DAGLB: variants seen among roughly 807,000 people sequenced by gnomAD.
DAGLB encodes the protein diacylglycerol lipase-beta.
Under a neutral mutation model 72.1 loss-of-function variants are expected in DAGLB, and 66 were observed. That is an observed-to-expected ratio of 0.92 (90% CI 0.75 to 1.12). DAGLB has a LOEUF of 1.12. Among genes scored for constraint, DAGLB ranks in the 50% most tolerant of loss-of-function variants. DAGLB has a pLI of 0.00. For synonymous variants in DAGLB, 414 were observed against 359.5 expected (o/e 1.15, Z -1.71); for missense variants, 1,065 against 884.9 (o/e 1.20, Z -2.58).
chr7:6,443,042 G>C (rs1784880461), intron 2 of DAGLB, among the ~76,000 whole-genome samples: 1 of 149,688 alleles, frequency 6.7e-6, no homozygotes, highest in South Asian at 2.1e-4. Flanking sequence ...AAATAGCCAG[G>C]CACGGTGGCG....
intron 13 of DAGLB, among the ~76,000 whole-genome samples, 172 bp from the exon 14 acceptor site, chr7:6,410,552 G>T (rs917875693): frequency 6.6e-6 from 1 of 152,130 alleles, no homozygotes; most frequent in African/African-American, 2.4e-5. Context: ...CAGCCACCTC[G>T]GCTCAGGACA....
In DAGLB at chr7:6,412,803, C is replaced by A. The variant is rs764045321; in HGVS notation, c.1569+8G>T. On this transcript the variant is annotated splice_region_variant and intron_variant, in intron 13 of 14. Coordinates refer to ENST00000297056, the MANE Select transcript of DAGLB (RefSeq NM_139179.4). ...CCTGCTGACCCTCTCAACAAGGCAC[C>A]CGCTTACCTTGGGTTTATTGCAGTG... The A allele has an allele frequency of 1.3e-6, 2 of 1,577,418 alleles. No homozygotes were observed. The highest frequency in any genetic ancestry group is 2.3e-5 in the South Asian group (2 of 87,248).
Position 6,410,002 on chromosome 7 carries a change from G to A in DAGLB, c.1854C>T (p.Ala618=), listed in dbSNP as rs1783664191. The A allele has an allele frequency of 6.2e-7, 1 of 1,613,976 alleles. No individual in the cohort carries two copies. The highest frequency in any genetic ancestry group is 8.5e-7 in the Non-Finnish European group (1 of 1,180,016). The change falls in exon 15 of 15, where the codon GCC becomes GCT. Residue 618 remains alanine (A), a synonymous_variant. Coordinates refer to ENST00000297056, the MANE Select transcript of DAGLB (RefSeq NM_139179.4). ...TGAATTCCGCTTCGTGTGACCACTT[G>A]GCGCTATAGTGAGCAGCAGAGCAGC... is the stretch of plus-strand genomic sequence containing the variant. The part of the protein sequence containing the change: ...FGCCSAAHYS[A]KWSHEAEFSK...
intron 2 of DAGLB, among the ~76,000 whole-genome samples, chr7:6,444,882 G>C (rs1023994813): frequency 3.3e-5 from 5 of 152,142 alleles, no homozygotes; most frequent in Non-Finnish European, 7.3e-5. Flanking sequence ...CTCCAGCCTG[G>C]GTGACAGAGT....
At chr7:6,412,313 C>G (rs560505728) in intron 13 of DAGLB, among the ~76,000 whole-genome samples, 371 of 151,848 alleles carry the variant, frequency 2.4e-3, no homozygotes, top group African/African-American at 8.7e-3. Context: ...GATAAATGTG[C>G]CTGTACCTCT....
At chr7:6,436,327 C>A in intron 3 of DAGLB, 35 bp downstream of exon 3, 2 of 1,582,356 alleles carry the variant, frequency 1.3e-6, no homozygotes, top group South Asian at 1.1e-5. Flanking sequence ...TGCCTCAAAT[C>A]CACTGAAACT....
intron 5 of DAGLB, 37 bp downstream of exon 5, chr7:6,432,796 TGTAA>T (rs756825293): frequency 1.1e-5 from 18 of 1,591,768 alleles, no homozygotes; most frequent in Non-Finnish European, 1.3e-5. Context: ...CACCAAAAGG[TGTAA>T]GTGTCAGAAC....
chr7:6,426,926 G>C lies in DAGLB; in HGVS notation c.930-812C>G, dbSNP rs778310678. 2.5e-4 allele frequency among the ~76,000 whole-genome samples: 38 copies of C among 152,234 alleles called. No homozygotes were observed. In the Middle Eastern group the frequency reaches 0.014, roughly 55 times the overall value. ...AGTTCGAGACCAGTCTGGCCAACGTGCTGGAACCCCACCTCTACTAAAAAT... is the reference window on the plus strand; with the variant it reads ...AGTTCGAGACCAGTCTGGCCAACGTCCTGGAACCCCACCTCTACTAAAAAT... On this transcript the variant is annotated intron_variant, in intron 6 of 14. Coordinates refer to ENST00000297056, the MANE Select transcript of DAGLB (RefSeq NM_139179.4).
chr7:6,426,383 C>A (rs1342632228), intron 6 of DAGLB, among the ~76,000 whole-genome samples: 2 of 152,246 alleles, frequency 1.3e-5, no homozygotes, highest in African/African-American at 4.8e-5. Flanking sequence ...GATTCCCCTG[C>A]CTCAGCCTCC....
intron 13 of DAGLB, 113 bp from the exon 14 acceptor site, chr7:6,410,493 C>T (rs1352485826): frequency 6.9e-7 from 1 of 1,457,510 alleles, no homozygotes; most frequent in Non-Finnish European, 9.2e-7. Flanking sequence ...CCCAGAAACC[C>T]CGCTTGGAAG....
In DAGLB at chr7:6,410,029, G is replaced by A; in HGVS notation, c.1827C>T (p.Gly609=). The A allele has an allele frequency of 1.2e-6, 2 of 1,612,934 alleles. No homozygotes were observed. Among genetic ancestry groups the A allele is most frequent in the South Asian group, 1.1e-5 (1 of 90,948 alleles). The change falls in exon 15 of 15, where the codon GGC becomes GGT. Residue 609 remains glycine, a synonymous_variant. Coordinates refer to ENST00000297056, the MANE Select transcript of DAGLB (RefSeq NM_139179.4). ...LQEEGASGRF[G]CCSAAHYSAK... is the part of the protein sequence containing the mutation. The stretch of plus-strand genomic sequence containing the variant: ...CGCTATAGTGAGCAGCAGAGCAGCA[G>A]CCAAACCTGAAGCAGAAAAGGAGAG...
intron 2 of DAGLB, among the ~76,000 whole-genome samples, chr7:6,444,720 C>T (rs1784940121): frequency 6.6e-6 from 1 of 152,262 alleles, no homozygotes; most frequent in Admixed American, 6.5e-5. Flanking sequence ...TGAAAGGATG[C>T]TCAACATCAT....
chr7:6,421,729 T>C lies in DAGLB; in HGVS notation c.1216A>G (p.Lys406Glu), dbSNP rs1240402616. The C allele has an allele frequency of 3.1e-6, 5 of 1,609,260 alleles. No homozygotes were observed. The highest frequency in any genetic ancestry group is 3.4e-6 in the Non-Finnish European group (4 of 1,176,784). Residue 406 changes from lysine (K) to glutamate (E), a missense_variant and splice_region_variant, in exon 9 of 15, where the codon AAG (lysine) becomes GAG (glutamate). Lys to Glu is a moderately conservative substitution (Grantham distance 56, BLOSUM62 1). Coordinates refer to ENST00000297056, the MANE Select transcript of DAGLB (RefSeq NM_139179.4). The stretch of plus-strand genomic sequence containing the variant: ...GACACACGAGTCCGCGCTCATACCT[T>C]GTGTGCCAGGCGGTCCTGCACCTCA... ...ECEVQDRLAHKGISQAARYVY... is the reference protein window; with the variant it reads ...ECEVQDRLAHEGISQAARYVY...
At chr7:6,418,618 G>T (rs1278926958) in intron 9 of DAGLB, among the ~76,000 whole-genome samples, 3 of 152,024 alleles carry the variant, frequency 2.0e-5, no homozygotes, top group African/African-American at 4.8e-5. Flanking sequence ...TCCCACAGAA[G>T]ATGGGAGATG....
intron 1 of DAGLB, among the ~76,000 whole-genome samples, chr7:6,446,940 G>A (rs1163991241): frequency 6.6e-6 from 1 of 152,080 alleles, no homozygotes; most frequent in East Asian, 1.9e-4. Context: ...AGCCCAGGAG[G>A]TTGAGGCTGC....
chr7:6,421,928 G>C (rs771852117), intron 8 of DAGLB, 124 bp from the exon 9 acceptor site: 5 of 1,083,566 alleles, frequency 4.6e-6, no homozygotes, highest in Non-Finnish European at 6.8e-6. Context: ...CTCCTAGTTC[G>C]GTCCTGGGAC....
intron 6 of DAGLB, 74 bp from the exon 7 acceptor site, chr7:6,426,188 T>C (rs745537559): frequency 6.3e-6 from 10 of 1,596,180 alleles, no homozygotes; most frequent in Non-Finnish European, 8.6e-6. Flanking sequence ...CACTGCCACA[T>C]GTTCCCAGAG....
chr7:6,426,757 G>A (rs984020686), intron 6 of DAGLB, among the ~76,000 whole-genome samples: 11 of 152,164 alleles, frequency 7.2e-5, no homozygotes, highest in African/African-American at 1.2e-4. Context: ...AGCCAACTCC[G>A]TAGAAAATAA....
chr7:6,418,353 A>G (rs1783986074), intron 9 of DAGLB, among the ~76,000 whole-genome samples: 1 of 152,098 alleles, frequency 6.6e-6, no homozygotes, highest in African/African-American at 2.4e-5. Context: ...TGGGTGGCAC[A>G]GTGAGACTCT....
Sources: allele counts gnomAD v4.1 joint callset (sites outside exome capture counted in the v4.1 genomes callset), GRCh38; gene constraint gnomAD v4.1.1; transcripts MANE v1.5; gene names NCBI Gene and HGNC (gene_info 2026-07-23, HGNC 2026-07-21).